PCCA: variants seen among roughly 807,000 people sequenced by gnomAD.
PCCA encodes propionyl-CoA carboxylase alpha chain, mitochondrial.
Under a neutral mutation model 101.3 loss-of-function variants are expected in PCCA, and 74 were observed. The ratio of observed to expected loss-of-function variants is 0.73; its 90% CI spans 0.61 to 0.89. The LOEUF is 0.89. PCCA is among the 40% of genes least tolerant of loss of function. The probability of loss-of-function intolerance (pLI) is 0.00; values close to 1 mark genes in which losing one functional copy is unlikely to be tolerated. For missense variants in PCCA, 891 were observed against 907.0 expected (o/e 0.98, Z 0.23); for synonymous variants, 294 against 313.6 (o/e 0.94, Z 0.66).
At chr13:100,324,348 A>T (rs1457717020) in intron 16 of PCCA, among the ~76,000 whole-genome samples, 1 of 152,066 alleles carries the variant, frequency 6.6e-6, no homozygotes, top group Non-Finnish European at 1.5e-5. Flanking sequence ...ATTACAGTTG[A>T]CCTTTGAACA....
At chr13:100,479,948 T>G (rs1596098179) in intron 21 of PCCA, among the ~76,000 whole-genome samples, 2 of 152,184 alleles carry the variant, frequency 1.3e-5, no homozygotes, top group African/African-American at 4.8e-5. Flanking sequence ...GCCTACCTGT[T>G]CTTTTCTTAC....
intron 21 of PCCA, among the ~76,000 whole-genome samples, chr13:100,478,010 C>T (rs1015791959): frequency 2.6e-5 from 4 of 152,224 alleles, no homozygotes; most frequent in Non-Finnish European, 5.9e-5. Flanking sequence ...GTGGCGAGCT[C>T]GAGCTAATCG....
intron 19 of PCCA, among the ~76,000 whole-genome samples, chr13:100,404,673 A>G (rs1003128799): frequency 1.3e-5 from 2 of 152,192 alleles, no homozygotes; most frequent in African/African-American, 4.8e-5. Context: ...CCTGAATCCC[A>G]GCAACCTTGG....
chr13:100,364,681 C>T (rs750695597), intron 18 of PCCA, among the ~76,000 whole-genome samples: 17 of 152,204 alleles, frequency 1.1e-4, no homozygotes, highest in Non-Finnish European at 2.1e-4. Context: ...ACAGTTTCGA[C>T]TCTGTTTTGG....
At chr13:100,149,019 A>G (rs565959152) in intron 4 of PCCA, among the ~76,000 whole-genome samples, 55 of 152,242 alleles carry the variant, frequency 3.6e-4, no homozygotes, top group African/African-American at 9.9e-4. Context: ...TTTGTTTTCT[A>G]TGATCAAATT....
intron 21 of PCCA, among the ~76,000 whole-genome samples, chr13:100,512,262 T>A (rs1486178741): frequency 6.6e-6 from 1 of 152,190 alleles, no homozygotes; most frequent in Non-Finnish European, 1.5e-5. Flanking sequence ...TTTTAATCTT[T>A]TGGGAGAAAT....
intron 11 of PCCA, among the ~76,000 whole-genome samples, chr13:100,272,462 A>C (rs1307534624): frequency 1.3e-5 from 2 of 152,122 alleles, no homozygotes; most frequent in Non-Finnish European, 2.9e-5. Context: ...AGCTTATCCC[A>C]CACACATTTT....
intron 4 of PCCA, 54 bp from the exon 5 acceptor site, chr13:100,154,925 A>T (rs2053716138): frequency 8.9e-7 from 1 of 1,124,574 alleles, no homozygotes. Context: ...TTTGCAGATG[A>T]TGGTAATTCT....
chr13:100,455,945 C>G (rs997194760), intron 21 of PCCA, among the ~76,000 whole-genome samples: 3 of 152,150 alleles, frequency 2.0e-5, no homozygotes, highest in African/African-American at 7.2e-5. Flanking sequence ...AATGATCCAC[C>G]CACCTCAGCC....
chr13:100,234,088 A>G (rs1300074078), intron 7 of PCCA, among the ~76,000 whole-genome samples: 1 of 152,178 alleles, frequency 6.6e-6, no homozygotes. Flanking sequence ...GTTTTCTTCT[A>G]GGTTTATTAT....
At chr13:100,231,566 A>G (rs1017252635) in intron 7 of PCCA, among the ~76,000 whole-genome samples, 1 of 152,218 alleles carries the variant, frequency 6.6e-6, no homozygotes, top group African/African-American at 2.4e-5. Context: ...TATTCTCAAA[A>G]TCATTAATAA....
intron 8 of PCCA, among the ~76,000 whole-genome samples, chr13:100,241,139 G>A (rs113705945): frequency 4.6e-5 from 7 of 151,990 alleles, no homozygotes; most frequent in African/African-American, 1.2e-4. Context: ...TGCACAATTC[G>A]GTGATTTTTT....
intron 21 of PCCA, among the ~76,000 whole-genome samples, chr13:100,463,336 G>GTTT (rs574359198): frequency 2.0e-4 from 23 of 114,326 alleles, no homozygotes; most frequent in East Asian, 8.3e-4. Context: ...TATTGGTGTG[G>GTTT]TTTTTTTTTT....
Position 100,240,239 on chromosome 13 carries a change from C to G in PCCA, c.637+4361C>G, listed in dbSNP as rs527611373. Among the ~76,000 whole-genome samples, 4 of 152,262 alleles carry G rather than the reference C, an allele frequency of 2.6e-5. No homozygotes were observed. In the South Asian group the frequency reaches 8.3e-4, roughly 32 times the overall value. Reference sequence around the variant, plus strand: ...TAAAAATCACAATTCTTTACTCTGACTACTATCCCTATGTAATTTGACACC... The same window carrying G: ...TAAAAATCACAATTCTTTACTCTGAGTACTATCCCTATGTAATTTGACACC... On this transcript the variant is annotated intron_variant, in intron 8 of 23. Coordinates refer to ENST00000376285, the MANE Select transcript of PCCA (RefSeq NM_000282.4).
At chr13:100,445,435 G>A (rs540680723) in intron 20 of PCCA, among the ~76,000 whole-genome samples, 2 of 152,222 alleles carry the variant, frequency 1.3e-5, no homozygotes, top group African/African-American at 2.4e-5. Context: ...TGTATGTGAG[G>A]TACACTTAAA....
chr13:100,273,763 A>G (rs572666936), intron 12 of PCCA, among the ~76,000 whole-genome samples: 94 of 152,316 alleles, frequency 6.2e-4, no homozygotes, highest in Non-Finnish European at 1.2e-3. Flanking sequence ...TGTACCACTC[A>G]GCCAGGCTCC....
chr13:100,161,236 T>C (rs1365152320), intron 6 of PCCA: 1 of 152,176 alleles, frequency 6.6e-6, no homozygotes, highest in Admixed American at 6.5e-5. Flanking sequence ...TCACATAGTT[T>C]TGTTCCTGGA....
intron 7 of PCCA, among the ~76,000 whole-genome samples, chr13:100,219,004 C>A (rs917517690): frequency 6.6e-6 from 1 of 152,148 alleles, no homozygotes; most frequent in Non-Finnish European, 1.5e-5. Context: ...ATTCTGCCAA[C>A]TACCTGAAAG....
intron 1 of PCCA, among the ~76,000 whole-genome samples, chr13:100,100,030 T>A (rs1566463514): frequency 1.3e-5 from 2 of 152,222 alleles, no homozygotes; most frequent in South Asian, 4.1e-4. Context: ...AGTTACATAT[T>A]TGGATTTAGT....
Sources: allele counts gnomAD v4.1 joint callset (sites outside exome capture counted in the v4.1 genomes callset), GRCh38; gene constraint gnomAD v4.1.1; transcripts MANE v1.5; gene names NCBI Gene and HGNC (gene_info 2026-07-23, HGNC 2026-07-21).